The following ITGA5 variants were observed in gnomAD, a reference collection of about 807,000 sequenced individuals.
The protein encoded by ITGA5 is integrin subunit alpha 5.
In ITGA5, 55 loss-of-function variants were observed where a neutral mutation model predicts 146.3. The observed-to-expected ratio is 0.38, with a 90% CI of 0.30 to 0.47. ITGA5 has a LOEUF of 0.47. Among genes scored for constraint, ITGA5 ranks in the 20% least tolerant of loss-of-function variants. The pLI is 0.99. For missense variants in ITGA5, 1,131 were observed against 1,329.0 expected, an observed-to-expected ratio of 0.85 and a Z score of 2.32; for synonymous variants, 500 against 531.8, an observed-to-expected ratio of 0.94 and a Z score of 0.82.
rs189106032 is a variant in ITGA5, at chr12:54,399,450, A to G, written c.2841+195T>C. On this transcript the variant is annotated intron_variant, in intron 27 of 29. Transcript: ENST00000293379. ...CTCCTCTGAATGGGCCAGGAAAGGG[A>G]AGCTGCTGCTCCCACTGTGGCCACT... is the stretch of plus-strand genomic sequence containing the variant. Among the ~76,000 whole-genome samples the G allele has an allele frequency of 1.0e-3, 157 of 152,188 alleles. 1 individual carries two copies. The East Asian group carries it at 0.014, about 13-fold the overall frequency.
intron 9 of ITGA5, among the ~76,000 whole-genome samples, chr12:54,406,764 T>C (rs74792327): frequency 0.023 from 3,496 of 152,306 alleles, 82 homozygotes; most frequent in South Asian, 0.087. Context: ...TGAACCTTCA[T>C]AGAACCTTCT....
chr12:54,404,432 GTA>G lies in ITGA5; in HGVS notation c.1459_1460del (p.Tyr487GlnfsTer9). 6.2e-7 allele frequency: 1 copy of G among 1,613,994 alleles called. No homozygotes were observed. The highest frequency in any genetic ancestry group is 8.5e-7 in the Non-Finnish European group (1 of 1,179,864). On this transcript the variant is annotated frameshift_variant, in exon 14 of 30. Coordinates refer to ENST00000293379, the MANE Select transcript of ITGA5 (RefSeq NM_002205.5). LOFTEE classifies it high-confidence loss of function. ...TCATCTCCCTTTGGAGCTCATACCT[GTA>G]TACCACAGCCTTGTCCACACCAAAG... ...GSFGVDKAVV[Y>X]RGRPIVSASA...
At position 54,403,541 on chromosome 12, in the gene ITGA5, C is replaced by A; in HGVS notation, c.1776+84G>T. ...TCCCAAGCCCTTCACTGGAGTCCCC[C>A]AGTCTTTTTCCCTTCAGGAGGTGCC... On this transcript the variant is annotated intron_variant, in intron 17 of 29. Transcript: ENST00000293379. The surrounding 1 kb of genome is among the most constrained non-coding windows in gnomAD (Gnocchi z 4.9). 6.8e-7 allele frequency: 1 copy of A among 1,469,776 alleles called. No individual in the cohort carries two copies. Among genetic ancestry groups the A allele is most frequent in the Non-Finnish European group, 9.2e-7 (1 of 1,085,748 alleles). 91.0% of individuals were successfully genotyped at this position (1,469,776 alleles called of 1,614,324 possible).
intron 2 of ITGA5, among the ~76,000 whole-genome samples, chr12:54,410,711 A>G (rs1955932772): frequency 6.8e-6 from 1 of 148,134 alleles, no homozygotes; most frequent in Admixed American, 6.7e-5. Flanking sequence ...AGTGCTCACC[A>G]CTATGCCTGG....
chr12:54,401,843 G>C lies in ITGA5; in HGVS notation c.2239C>G (p.Leu747Val). The stretch of plus-strand genomic sequence containing the variant: ...CGGAGATGAGGGACTGTAAACCGAA[G>C]GCCACCCCACAGCTGGGGACAGAAA... ...MKAGASLWGG[L>V]RFTVPHLRDT... The change falls in exon 22 of 30, where the codon CTT (leucine) becomes GTT (valine). Residue 747 changes from leucine to valine, a missense_variant. Around this residue, in one of 3 missense-constraint regions of ITGA5, gnomAD observed 889 missense variants for 1,021.5 expected, o/e 0.87. Transcript: ENST00000293379. The surrounding 1 kb of genome is among the most constrained non-coding windows in gnomAD (Gnocchi z 5.0). The C allele has an allele frequency of 6.2e-7, 1 of 1,614,138 alleles. No individual in the cohort carries two copies. Among genetic ancestry groups the C allele is most frequent in the Non-Finnish European group, 8.5e-7 (1 of 1,180,014 alleles).
chr12:54,418,177 G>A (rs539501801), intron 1 of ITGA5, among the ~76,000 whole-genome samples: 7 of 152,056 alleles, frequency 4.6e-5, no homozygotes, highest in African/African-American at 1.7e-4. Context: ...TTCCTCCCAA[G>A]AGCCAGAGGA....
rs752382903 is a variant in ITGA5 at position 54,405,673 on chromosome 12, T to C, written c.1007A>G (p.Asn336Ser). 6.2e-6 allele frequency: 10 copies of C among 1,613,612 alleles called. No homozygotes were observed. In the Admixed American group the frequency reaches 1.0e-4, roughly 16 times the overall value. ...FGYAVAATDV[N>S]GDGLDDLLVG... Reference sequence around the variant, plus strand: ...ATTTCCCACCACTCACCCGTCCCCATTGACGTCTGTGGCGGCCACTGCATA... The same window carrying C: ...ATTTCCCACCACTCACCCGTCCCCACTGACGTCTGTGGCGGCCACTGCATA... Residue 336 changes from asparagine to serine, a missense_variant, in exon 11 of 30, where the codon AAT (asparagine) becomes AGT (serine). By Grantham distance (46) the Asn-to-Ser change is conservative. Around this residue, in one of 3 missense-constraint regions of ITGA5, gnomAD observed 889 missense variants for 1,021.5 expected, o/e 0.87. Transcript: ENST00000293379.
At chr12:54,408,302 C>T (rs1955894199) in intron 6 of ITGA5, 67 bp from the exon 7 acceptor site, 2 of 1,556,304 alleles carry the variant, frequency 1.3e-6, no homozygotes, top group South Asian at 1.1e-5. Context: ...ACTCTGGGGG[C>T]TGACTGGGTA....
chr12:54,415,656 CCAGT>C (rs1409399187), intron 1 of ITGA5, among the ~76,000 whole-genome samples: 4 of 152,176 alleles, frequency 2.6e-5, no homozygotes, highest in Non-Finnish European at 5.9e-5. Context: ...TAACCAAGTC[CCAGT>C]TCAATACTGG....
At position 54,401,382 on chromosome 12, in the gene ITGA5, A is replaced by C. The variant is rs1421856543; in HGVS notation, c.2484T>G (p.His828Gln). ...KEEDLGPAVH[H>Q]VYELINQGPS... ...CCCCTTCCCCCCTTACCTCATAGAC[A>C]TGGTGGACAGCAGGTCCCAGGTCCT... The change falls in exon 24 of 30, where the codon CAT becomes CAG. Residue 828 changes from histidine (H) to glutamine (Q), a missense_variant. Around this residue, in one of 3 missense-constraint regions of ITGA5, gnomAD observed 889 missense variants for 1,021.5 expected, o/e 0.87. Transcript: ENST00000293379. The surrounding 1 kb of genome is among the most constrained non-coding windows in gnomAD (Gnocchi z 5.0). 1.9e-6 allele frequency: 3 copies of C among 1,609,588 alleles called. No individual in the cohort carries two copies. The highest frequency in any genetic ancestry group is 1.7e-6 in the Non-Finnish European group (2 of 1,176,674).
chr12:54,408,369 G>T, intron 6 of ITGA5, 134 bp from the exon 7 acceptor site: 2 of 981,322 alleles, frequency 2.0e-6, no homozygotes, highest in Non-Finnish European at 3.0e-6. Context: ...TGGCATGTAA[G>T]CTTCAGGAAA....
Position 54,405,383 on chromosome 12 carries a change from A to G in ITGA5, c.1017-9T>C. On this transcript the variant is annotated splice_polypyrimidine_tract_variant and intron_variant, in intron 11 of 29. Coordinates refer to ENST00000293379, the MANE Select transcript of ITGA5 (RefSeq NM_002205.5). ...CCAGCAAGTCATCCAGCCTGAGGGG[A>G]AGGGCAAACCCAGGCATCTCGATAC... The G allele has an allele frequency of 6.3e-7, 1 of 1,592,470 alleles. No homozygotes were observed. The highest frequency in any genetic ancestry group is 8.6e-7 in the Non-Finnish European group (1 of 1,167,536).
rs1592286949 is a variant in ITGA5 at position 54,403,448 on chromosome 12, A to C, written c.1777-124T>G. The C allele has an allele frequency of 7.5e-7, 1 of 1,330,034 alleles. No individual in the cohort carries two copies. The highest frequency in any genetic ancestry group is 2.4e-5 in the East Asian group (1 of 42,210). The allele number at this position is 1,330,034 out of a possible 1,614,324, so 82.4% of individuals were successfully genotyped here. A position where few individuals can be genotyped will look rare whatever the true frequency, so the allele number is the denominator to read the frequency against. On this transcript the variant is annotated intron_variant, in intron 17 of 29. Transcript: ENST00000293379. The surrounding 1 kb of genome is among the most constrained non-coding windows in gnomAD (Gnocchi z 4.9). ...CAATTCCGACCATCCTCATTGTTTC[A>C]GAGGCCCTGGCAGCCTGCTTCCCAG...
At position 54,399,908 on chromosome 12, in the gene ITGA5, C is replaced by T. The variant is rs761644145; in HGVS notation, c.2683G>A (p.Glu895Lys). The T allele has an allele frequency of 3.1e-6, 5 of 1,614,176 alleles. No individual in the cohort carries two copies. In the South Asian group the frequency reaches 3.3e-5, roughly 11 times the overall value. ...EGSLHHQQKR[E>K]APSRSSASSG... ...GAAGCAGAGCTGCGGCTTGGAGCTT[C>T]CCGTTTTTGCTGGTGGTGCAGGGAA... is the stretch of plus-strand genomic sequence containing the variant. The change falls in exon 26 of 30, where the codon GAA becomes AAA. Residue 895 changes from glutamate to lysine, a missense_variant. By Grantham distance (56) the Glu-to-Lys change is moderately conservative. Coordinates refer to ENST00000293379, the MANE Select transcript of ITGA5 (RefSeq NM_002205.5).
At chr12:54,405,781 G>C in intron 10 of ITGA5, 65 bp from the exon 11 acceptor site, 1 of 1,602,846 alleles carries the variant, frequency 6.2e-7, no homozygotes, top group Admixed American at 1.7e-5. Flanking sequence ...GATCAAGAGG[G>C]GCTGGGAAGT....
Position 54,416,986 on chromosome 12 carries a change from G to C in ITGA5, c.218+1995C>G, listed in dbSNP as rs1011562805. 6.6e-6 allele frequency among the ~76,000 whole-genome samples: 1 copy of C among 152,210 alleles called. No individual in the cohort carries two copies. The highest frequency in any genetic ancestry group is 2.4e-5 in the African/African-American group (1 of 41,440). On this transcript the variant is annotated intron_variant, in intron 1 of 29. Coordinates refer to ENST00000293379, the MANE Select transcript of ITGA5 (RefSeq NM_002205.5). The surrounding 1 kb of genome is among the most constrained non-coding windows in gnomAD (Gnocchi z 4.1). ...TGTCTTGTGTTGTGGGAAAGGGGGT[G>C]AAGGCCTAGCTGTGGTGGGAGGAGG...
Position 54,409,336 on chromosome 12 carries a change from T to C in ITGA5, c.479A>G (p.Tyr160Cys), listed in dbSNP as rs1955910826. 6.2e-7 allele frequency: 1 copy of C among 1,613,274 alleles called. No homozygotes were observed. The highest frequency in any genetic ancestry group is 1.1e-5 in the South Asian group (1 of 91,020). The change falls in exon 4 of 30, where the codon TAC (tyrosine) becomes TGC (cysteine). Residue 160 changes from tyrosine (Y) to cysteine (C), a missense_variant. Transcript: ENST00000293379. The surrounding 1 kb of genome is among the most constrained non-coding windows in gnomAD (Gnocchi z 4.7). ...TGGCTCCTTCTCTGTGCGCCAGCTG[T>C]ACAGTGGAGCGCATGCCTGGGAGGG... ...GSSILACAPL[Y>C]SWRTEKEPLS...
In ITGA5 at chr12:54,397,469, A is replaced by G. The variant is rs1384464624; in HGVS notation, c.2962T>C (p.Trp988Arg). The G allele has an allele frequency of 2.6e-5, 42 of 1,614,028 alleles. No individual in the cohort carries two copies. The highest frequency in any genetic ancestry group is 3.4e-5 in the Non-Finnish European group (40 of 1,180,026). The change falls in exon 29 of 30, where the codon TGG (tryptophan) becomes CGG (arginine). Residue 988 changes from tryptophan to arginine, a missense_variant. Physicochemically the swap from Trp to Arg is moderately radical, Grantham distance 101 (BLOSUM62 -3). This residue lies in a region of ITGA5 where 889 missense variants were observed against 1,021.5 expected (regional missense o/e 0.87). Transcript: ENST00000293379. ...CCATAGCTGCCTTCTGCCTTGGTCC[A>G]TTGCACAGCTGTGGCCACCTGGGGA... The part of the protein sequence containing the change: ...KERQVATAVQ[W>R]TKAEGSYGVP...
In ITGA5 at chr12:54,404,128, C is replaced by T. The variant is rs780823363; in HGVS notation, c.1565+17G>A. 8.9e-6 allele frequency: 14 copies of T among 1,574,962 alleles called. No individual in the cohort carries two copies. The East Asian group carries it at 3.1e-4, about 35-fold the overall frequency. ...TCCCAGGCTCAGGTCTCTGCAATTT[C>T]CTGGGCACCAGCTCACCAGGCCACA... On this transcript the variant is annotated intron_variant, in intron 15 of 29. Transcript: ENST00000293379.
Sources: allele counts gnomAD v4.1 joint callset (sites outside exome capture counted in the v4.1 genomes callset), GRCh38; gene constraint gnomAD v4.1.1; regional missense constraint gnomAD v4.1.1; non-coding constraint Gnocchi (gnomAD v3.1); transcripts MANE v1.5; gene names NCBI Gene and HGNC (gene_info 2026-07-23, HGNC 2026-07-21).